Variants in DPP6 observed in about 807,000 individuals in gnomAD.
DPP6 encodes dipeptidyl peptidase like 6, also known as A-type potassium channel modulatory protein DPP6.
DPP6 carries 69 observed loss-of-function variants against 122.6 expected under a neutral mutation model. The ratio of observed to expected loss-of-function variants is 0.56; its 90% CI spans 0.46 to 0.69. DPP6 has a LOEUF of 0.69. Ranked by LOEUF, DPP6 falls within the 30% of genes least tolerant of loss-of-function variation. DPP6 has a pLI of 0.00. For synonymous variants in DPP6, 418 were observed against 433.1 expected (o/e 0.97, Z 0.43); for missense variants, 928 against 1,116.9 (o/e 0.83, Z 2.41).
Position 154,483,506 on chromosome 7 carries a change from A to G in DPP6, c.457+8469A>G, listed in dbSNP as rs1823511106. On this transcript the variant is annotated intron_variant, in intron 3 of 25. Coordinates refer to ENST00000377770, the MANE Select transcript of DPP6 (RefSeq NM_130797.4). The surrounding 1 kb of genome is among the most constrained non-coding windows in gnomAD (Gnocchi z 8.1). Reference sequence around the variant, plus strand: ...GAACAAGGGAGAAGGCTTTTACAGAACAAAGACAGAAGCAAAGCAACTATC... The same window carrying G: ...GAACAAGGGAGAAGGCTTTTACAGAGCAAAGACAGAAGCAAAGCAACTATC... 6.6e-6 allele frequency among the ~76,000 whole-genome samples: 1 copy of G among 152,208 alleles called. No individual in the cohort carries two copies. The highest frequency in any genetic ancestry group is 1.5e-5 in the Non-Finnish European group (1 of 68,040).
chr7:153,947,955 C>T (rs914487236), intron 1 of DPP6, among the ~76,000 whole-genome samples: 1 of 152,170 alleles, frequency 6.6e-6, no homozygotes, highest in East Asian at 1.9e-4. Context: ...GGTAGTGTGT[C>T]CTGAATCACA....
intron 4 of DPP6, among the ~76,000 whole-genome samples, chr7:154,555,980 C>G (rs987918907): frequency 6.6e-6 from 1 of 152,080 alleles, no homozygotes; most frequent in Non-Finnish European, 1.5e-5. Context: ...AACTCTGAAA[C>G]TGCTTTAGTG....
chr7:154,114,477 G>C (rs1462232922), intron 1 of DPP6, among the ~76,000 whole-genome samples: 1 of 152,166 alleles, frequency 6.6e-6, no homozygotes. Context: ...AATTATTGAG[G>C]GTGGAGGAAG....
rs58430009 is a variant in DPP6, at chr7:154,481,346, G to GTGTGT, written c.457+6309_457+6310insTGTGT. ...ATACACTTGGAGAGAGAGAGAGAGGGGTGTGTGTGTGTGTGTGTGTGTGTG... is the reference window on the plus strand; with the variant it reads ...ATACACTTGGAGAGAGAGAGAGAGGGTGTGTGTGTGTGTGTGTGTGTGTGTGTGTG... On this transcript the variant is annotated intron_variant, in intron 3 of 25. Coordinates refer to ENST00000377770, the MANE Select transcript of DPP6 (RefSeq NM_130797.4). The surrounding 1 kb of genome is among the most constrained non-coding windows in gnomAD (Gnocchi z 4.2). Among the ~76,000 whole-genome samples, 2,202 of 148,018 alleles carry GTGTGT rather than the reference G, an allele frequency of 0.015. 37 individuals carry two copies. Among genetic ancestry groups the GTGTGT allele is most frequent in the African/African-American group, 0.028 (1,123 of 39,740 alleles).
chr7:154,361,480 A>G (rs747131366), intron 1 of DPP6, among the ~76,000 whole-genome samples: 2 of 152,098 alleles, frequency 1.3e-5, no homozygotes, highest in Non-Finnish European at 2.9e-5. Context: ...TGCATGTGAG[A>G]TGACAGGTCA....
chr7:154,855,213 A>G (rs567703915), intron 17 of DPP6, among the ~76,000 whole-genome samples: 4 of 152,348 alleles, frequency 2.6e-5, no homozygotes, highest in African/African-American at 9.6e-5. Flanking sequence ...CACTTAGCCA[A>G]TAATCCCAAA....
At chr7:154,467,473 T>G (rs1372369904) in intron 2 of DPP6, among the ~76,000 whole-genome samples, 1 of 152,192 alleles carries the variant, frequency 6.6e-6, no homozygotes. Context: ...CCTCTTTGCT[T>G]TCTTTCTCTC....
chr7:153,931,938 A>C (rs960722215), intron 1 of DPP6, among the ~76,000 whole-genome samples: 2 of 152,226 alleles, frequency 1.3e-5, no homozygotes, highest in Admixed American at 6.5e-5. Context: ...ATAGCATGGC[A>C]GAACAGTTGT....
chr7:154,113,768 G>A, intron 1 of DPP6, among the ~76,000 whole-genome samples: 2 of 151,118 alleles, frequency 1.3e-5, no homozygotes, highest in East Asian at 3.9e-4. Flanking sequence ...TTTATGTACA[G>A]CATAAGATAA....
chr7:154,155,217 T>C (rs371623090), intron 1 of DPP6, among the ~76,000 whole-genome samples: 22 of 152,316 alleles, frequency 1.4e-4, no homozygotes, highest in Admixed American at 5.9e-4. Flanking sequence ...CCAGTGGGGA[T>C]CCAAAGCATG....
At chr7:154,116,426 C>T (rs1007783466) in intron 1 of DPP6, among the ~76,000 whole-genome samples, 3 of 152,224 alleles carry the variant, frequency 2.0e-5, no homozygotes, top group African/African-American at 7.2e-5. Flanking sequence ...GCCTTGATTA[C>T]TGCACAATGG....
At chr7:154,173,775 C>G (rs554595909) in intron 1 of DPP6, among the ~76,000 whole-genome samples, 3 of 152,300 alleles carry the variant, frequency 2.0e-5, no homozygotes, top group Non-Finnish European at 2.9e-5. Flanking sequence ...CACCAAGGAA[C>G]GACCACTCAG....
chr7:153,991,638 T>C (rs1797182491), intron 1 of DPP6, among the ~76,000 whole-genome samples: 1 of 152,212 alleles, frequency 6.6e-6, no homozygotes, highest in Non-Finnish European at 1.5e-5. Flanking sequence ...TGTCCAATCC[T>C]GCATGTGTTA....
chr7:154,396,060 G>C (rs1815058709), intron 1 of DPP6, among the ~76,000 whole-genome samples: 1 of 151,932 alleles, frequency 6.6e-6, no homozygotes, highest in Admixed American at 6.5e-5. Flanking sequence ...CTTCGGAAGA[G>C]AATATACTTA....
intron 1 of DPP6, among the ~76,000 whole-genome samples, chr7:154,317,797 A>G (rs1371023121): frequency 2.6e-5 from 4 of 152,198 alleles, no homozygotes; most frequent in Non-Finnish European, 5.9e-5. Context: ...AACACAAATT[A>G]TACTTAAAGT....
chr7:154,126,414 C>A (rs3111981), intron 1 of DPP6, among the ~76,000 whole-genome samples: 4 of 151,872 alleles, frequency 2.6e-5, no homozygotes, highest in African/African-American at 7.2e-5. Flanking sequence ...CATTCACGTC[C>A]AGACAGGGAA....
At chr7:154,638,958 A>G (rs927790596) in intron 6 of DPP6, among the ~76,000 whole-genome samples, 20 of 152,128 alleles carry the variant, frequency 1.3e-4, no homozygotes, top group Non-Finnish European at 4.4e-5. Flanking sequence ...AAAGAAACTG[A>G]ATTGTGCTGC....
At chr7:154,758,253 C>T (rs375037392) in intron 8 of DPP6, among the ~76,000 whole-genome samples, 19 of 152,290 alleles carry the variant, frequency 1.2e-4, no homozygotes, top group African/African-American at 4.3e-4. Flanking sequence ...GGGAAACAGG[C>T]CGTGGAGCTG....
intron 3 of DPP6, among the ~76,000 whole-genome samples, chr7:154,531,563 A>G (rs1827839482): frequency 6.6e-6 from 1 of 152,228 alleles, no homozygotes. Flanking sequence ...AAAATGATAT[A>G]CAATGGAAAC....
Sources: gnomAD v4.1 joint callset for allele counts (sites outside exome capture counted in the v4.1 genomes callset) on GRCh38, gnomAD v4.1.1 for gene constraint, Gnocchi (gnomAD v3.1) non-coding constraint, MANE v1.5 for transcripts, NCBI Gene and HGNC (gene_info 2026-07-23, HGNC 2026-07-21) for gene names.